LRP1: variants seen among roughly 807,000 people sequenced by gnomAD.
LRP1 encodes prolow-density lipoprotein receptor-related protein 1.
Under a neutral mutation model 541.5 loss-of-function variants are expected in LRP1, and 51 were observed. That is an observed-to-expected ratio of 0.09 (90% CI 0.08 to 0.12). The LOEUF (loss-of-function observed/expected upper bound fraction) is 0.12, where lower values mean the gene tolerates loss of function less well. Ranked by LOEUF, LRP1 falls within the 10% of genes least tolerant of loss-of-function variation. The pLI, the probability that LRP1 is intolerant of heterozygous loss-of-function variation, is 1.00. For synonymous variants in LRP1, 2,219 were observed against 2,470.8 expected, an observed-to-expected ratio of 0.90 and a Z score of 3.02; for missense variants, 3,878 against 6,376.2, an observed-to-expected ratio of 0.61 and a Z score of 13.34.
Position 57,184,236 on chromosome 12 carries a change from C to G in LRP1, c.6059+22C>G, listed in dbSNP as rs539793305. ...AAGGGTGAGGAGCTGGAAAGACTGG[C>G]CTTGTCATTCTGCCCATGGCCCATG... is the stretch of plus-strand genomic sequence containing the variant. On this transcript the variant is annotated intron_variant, in intron 37 of 88. Coordinates refer to ENST00000243077, the MANE Select transcript of LRP1 (RefSeq NM_002332.3). The surrounding 1 kb of genome is among the most constrained non-coding windows in gnomAD (Gnocchi z 7.8). The G allele has an allele frequency of 3.1e-6, 5 of 1,613,228 alleles. No homozygotes were observed. The East Asian group carries it at 1.1e-4, about 36-fold the overall frequency.
At position 57,184,767 on chromosome 12, in the gene LRP1, C is replaced by G; in HGVS notation, c.6187-72C>G. 2 of 1,526,972 alleles carry G rather than the reference C, an allele frequency of 1.3e-6. No individual in the cohort carries two copies. Among genetic ancestry groups the G allele is most frequent in the South Asian group, 2.4e-5 (2 of 81,710 alleles). The allele number at this position is 1,526,972 out of a possible 1,614,324, so 94.6% of individuals were successfully genotyped here. ...AGGGCCTCACTCTGGCCCAGGCACT[C>G]CCTGCTGCCCCAGACATGGGGCTGG... On this transcript the variant is annotated intron_variant, in intron 38 of 88. Transcript: ENST00000243077. This position sits in a 1 kb window ranked among gnomAD's most constrained non-coding sequence, Gnocchi z 7.8.
At chr12:57,130,121 G>T (rs1279677210) in intron 1 of LRP1, among the ~76,000 whole-genome samples, 2 of 152,060 alleles carry the variant, frequency 1.3e-5, no homozygotes, top group African/African-American at 2.4e-5. Flanking sequence ...CATTAAGCTG[G>T]GGTCATGGGG....
At chr12:57,195,456 G>A in intron 52 of LRP1, 57 bp downstream of exon 52, 3 of 1,591,056 alleles carry the variant, frequency 1.9e-6, no homozygotes, top group Non-Finnish European at 2.6e-6. Flanking sequence ...GTCTCACTTT[G>A]CAGATGGGGA....
intron 82 of LRP1, 46 bp downstream of exon 82, chr12:57,210,526 C>A: frequency 6.7e-7 from 1 of 1,502,954 alleles, no homozygotes. Context: ...CCCTGGGCCC[C>A]AGCCCCGCCA....
In LRP1 at chr12:57,196,067, C is replaced by T; in HGVS notation, c.8702-20C>T. On this transcript the variant is annotated intron_variant, in intron 54 of 88. Coordinates refer to ENST00000243077, the MANE Select transcript of LRP1 (RefSeq NM_002332.3). ...GACTGCCTGAGACCCCGCTGACCTGCCGCCTCCGCCCCTCCGCAGAGCACA... is the reference window on the plus strand; with the variant it reads ...GACTGCCTGAGACCCCGCTGACCTGTCGCCTCCGCCCCTCCGCAGAGCACA... 6.2e-7 allele frequency: 1 copy of T among 1,609,572 alleles called. No individual in the cohort carries two copies. The highest frequency in any genetic ancestry group is 8.5e-7 in the Non-Finnish European group (1 of 1,177,142).
At position 57,179,130 on chromosome 12, in the gene LRP1, C is replaced by T. The variant is rs572020352; in HGVS notation, c.4738+109C>T. ...GGCAGAGTCCCAGTCGGGAGGGTCC[C>T]GATAGGAGAGGCTCCAGAGACAGCC... On this transcript the variant is annotated intron_variant, in intron 28 of 88. Transcript: ENST00000243077. The surrounding 1 kb of genome is among the most constrained non-coding windows in gnomAD (Gnocchi z 6.8). 1.4e-4 allele frequency: 200 copies of T among 1,453,774 alleles called. No homozygotes were observed. In the African/African-American group the frequency reaches 2.1e-3, roughly 15 times the overall value. 90.1% of individuals were successfully genotyped at this position (1,453,774 alleles called of 1,614,324 possible). A position where few individuals can be genotyped will look rare whatever the true frequency, so the allele number is the denominator to read the frequency against.
chr12:57,172,073 T>C (rs922169341), intron 20 of LRP1, among the ~76,000 whole-genome samples: 277 of 151,098 alleles, frequency 1.8e-3, no homozygotes, highest in Admixed American at 3.3e-3. Context: ...TTTTTTTTTT[T>C]TTTTGAGATG....
chr12:57,198,026 T>A, intron 58 of LRP1, 130 bp from the exon 59 acceptor site: 1 of 753,146 alleles, frequency 1.3e-6, no homozygotes, highest in South Asian at 1.8e-5. Context: ...TTTACTTCCA[T>A]GGTTCTCCCA....
chr12:57,130,858 C>T (rs992906303), intron 1 of LRP1, among the ~76,000 whole-genome samples: 8 of 152,116 alleles, frequency 5.3e-5, no homozygotes, highest in Non-Finnish European at 1.2e-4. Flanking sequence ...CACCCACGCC[C>T]CCTCTGTATC....
At chr12:57,196,415 T>C in intron 55 of LRP1, 138 bp downstream of exon 55, 1 of 832,972 alleles carries the variant, frequency 1.2e-6, no homozygotes, top group Non-Finnish European at 1.8e-6. Context: ...TTGGTTGGGG[T>C]CTGCCTCTAT....
At chr12:57,170,485 C>T (rs1219151781) in intron 20 of LRP1, among the ~76,000 whole-genome samples, 1 of 151,170 alleles carries the variant, frequency 6.6e-6, no homozygotes, top group East Asian at 1.9e-4. Flanking sequence ...TCAAGACCAA[C>T]CTGGTTAACA....
At chr12:57,171,361 TC>T (rs967675200) in intron 20 of LRP1, among the ~76,000 whole-genome samples, 31 of 152,234 alleles carry the variant, frequency 2.0e-4, no homozygotes, top group African/African-American at 7.5e-4. Flanking sequence ...GGGAGGGTCT[TC>T]CAGTGGGGAT....
At chr12:57,200,348 C>A in intron 62 of LRP1, 94 bp from the exon 63 acceptor site, 1 of 828,998 alleles carries the variant, frequency 1.2e-6, no homozygotes, top group Non-Finnish European at 2.0e-6. Flanking sequence ...TGACCCCTGC[C>A]TCAACTTCTT....
rs767353602 is a variant in LRP1 at position 57,196,166 on chromosome 12, G to A, written c.8781G>A (p.Gln2927=). 6.2e-7 allele frequency: 1 copy of A among 1,612,944 alleles called. No homozygotes were observed. The change falls in exon 55 of 89, where the codon CAG becomes CAA. Residue 2927 remains glutamine, a synonymous_variant. Transcript: ENST00000243077. ...CTGAGGCACTGCTCTGCAACGGCCA[G>A]GATGACTGTGGCGACAGCTCGGACG... The part of the protein sequence containing the change: ...CVAEALLCNG[Q]DDCGDSSDER...
At chr12:57,151,495 C>T (rs939588979) in intron 6 of LRP1, among the ~76,000 whole-genome samples, 4 of 152,250 alleles carry the variant, frequency 2.6e-5, no homozygotes, top group African/African-American at 7.2e-5. Context: ...TCAGGATTTT[C>T]GGCCTTTGGC....
chr12:57,181,512 T>C (rs963045007), intron 34 of LRP1, among the ~76,000 whole-genome samples: 2 of 152,204 alleles, frequency 1.3e-5, no homozygotes, highest in South Asian at 2.1e-4. Context: ...GGAAGAGGCA[T>C]GCTCTGAGCT....
intron 20 of LRP1, among the ~76,000 whole-genome samples, chr12:57,172,181 T>A (rs1392466247): frequency 4.1e-5 from 6 of 148,116 alleles, no homozygotes; most frequent in Non-Finnish European, 9.0e-5. Context: ...CTTTTCTTTC[T>A]TTTTTTTTTG....
Position 57,185,901 on chromosome 12 carries a change from T to C in LRP1, c.6834T>C (p.Ile2278=), listed in dbSNP as rs1390150821. 2 of 1,612,170 alleles carry C rather than the reference T, an allele frequency of 1.2e-6. No individual in the cohort carries two copies. The highest frequency in any genetic ancestry group is 2.2e-5 in the South Asian group (2 of 90,884). ...INDDGSRRIT[I]VENVGSVEGL... ...ACGATGGCTCCAGGAGGATCACCAT[T>C]GTGGAAAGTGAGCCCAGACCCTAAG... is the stretch of plus-strand genomic sequence containing the variant. The change falls in exon 41 of 89, where the codon ATT becomes ATC. Residue 2278 remains isoleucine, a synonymous_variant. Coordinates refer to ENST00000243077, the MANE Select transcript of LRP1 (RefSeq NM_002332.3). The surrounding 1 kb of genome is among the most constrained non-coding windows in gnomAD (Gnocchi z 4.9).
At position 57,179,533 on chromosome 12, in the gene LRP1, G is replaced by A. The variant is rs753206313; in HGVS notation, c.4943G>A (p.Gly1648Asp). The stretch of plus-strand genomic sequence containing the variant: ...AAGCGGGCCTTCATCAACGGCACAG[G>A]CGTGGAGACAGTCGTCTCTGCAGGT... ...AIKRAFINGT[G>D]VETVVSADLP... is the part of the protein sequence containing the mutation. Residue 1648 changes from glycine to aspartate, a missense_variant, in exon 29 of 89, where the codon GGC becomes GAC. By Grantham distance (94) the Gly-to-Asp change is moderately conservative. This residue lies in a region of LRP1 where 394 missense variants were observed against 635.9 expected (regional missense o/e 0.62). Transcript: ENST00000243077. This position sits in a 1 kb window ranked among gnomAD's most constrained non-coding sequence, Gnocchi z 6.8. The A allele has an allele frequency of 6.2e-7, 1 of 1,614,130 alleles. No homozygotes were observed. Among genetic ancestry groups the A allele is most frequent in the Non-Finnish European group, 8.5e-7 (1 of 1,180,008 alleles).
Sources: gnomAD v4.1 joint callset for allele counts (sites outside exome capture counted in the v4.1 genomes callset) on GRCh38, gnomAD v4.1.1 for gene constraint, gnomAD v4.1.1 regional missense constraint, Gnocchi (gnomAD v3.1) non-coding constraint, MANE v1.5 for transcripts, NCBI Gene and HGNC (gene_info 2026-07-23, HGNC 2026-07-21) for gene names.